ZFPM2: variants seen among roughly 807,000 people sequenced by gnomAD.
ZFPM2 encodes zinc finger protein, FOG family member 2.
In ZFPM2, 20 loss-of-function variants were observed where a neutral mutation model predicts 98.6. That is an observed-to-expected ratio of 0.20 (90% confidence interval 0.14 to 0.29). The LOEUF (loss-of-function observed/expected upper bound fraction) is 0.29. Among genes scored for constraint, ZFPM2 ranks in the 10% least tolerant of loss-of-function variants. ZFPM2 has a pLI of 1.00. For synonymous variants in ZFPM2, 518 were observed against 502.7 expected, an observed-to-expected ratio of 1.03 and a Z score of -0.41; for missense variants, 1,310 against 1,388.6, an observed-to-expected ratio of 0.94 and a Z score of 0.90.
intron 4 of ZFPM2, among the ~76,000 whole-genome samples, chr8:105,633,144 A>G (rs1274943196): frequency 6.6e-6 from 1 of 152,178 alleles, no homozygotes; most frequent in Non-Finnish European, 1.5e-5. Context: ...AAATCACCAG[A>G]TTATGTGGAA....
chr8:105,669,445 G>A (rs531466531), intron 5 of ZFPM2, among the ~76,000 whole-genome samples: 19 of 149,866 alleles, frequency 1.3e-4, no homozygotes, highest in East Asian at 5.9e-4. Context: ...ATATACACAC[G>A]CATATAATGA....
chr8:105,634,016 GAAA>G (rs34543965), intron 4 of ZFPM2, among the ~76,000 whole-genome samples: 4 of 147,008 alleles, frequency 2.7e-5, no homozygotes, highest in Non-Finnish European at 4.5e-5. Context: ...TATCATTTAG[GAAA>G]AAAAAAAAAT....
intron 5 of ZFPM2, among the ~76,000 whole-genome samples, chr8:105,733,966 C>A (rs1314304142): frequency 6.6e-6 from 1 of 151,880 alleles, no homozygotes; most frequent in Non-Finnish European, 1.5e-5. Flanking sequence ...CACAGGACAC[C>A]TGGAAGAGGG....
chr8:105,750,108 T>C (rs757503009), intron 5 of ZFPM2, among the ~76,000 whole-genome samples: 5 of 152,104 alleles, frequency 3.3e-5, no homozygotes, highest in Non-Finnish European at 7.4e-5. Context: ...AGACTTTATA[T>C]GTTACTTTGT....
At chr8:105,561,276 A>T in intron 3 of ZFPM2, 87 bp from the exon 4 acceptor site, 1 of 943,174 alleles carries the variant, frequency 1.1e-6, no homozygotes, top group Non-Finnish European at 1.7e-6. Context: ...TGAGAATATC[A>T]TGTGTGTAAA....
At chr8:105,724,680 A>G (rs1249815440) in intron 5 of ZFPM2, among the ~76,000 whole-genome samples, 1 of 151,876 alleles carries the variant, frequency 6.6e-6, no homozygotes, top group Admixed American at 6.6e-5. Context: ...CTGCGTCTTT[A>G]CATTTGTTTA....
chr8:105,510,348 G>A (rs1014271728), intron 3 of ZFPM2, among the ~76,000 whole-genome samples: 3 of 150,928 alleles, frequency 2.0e-5, no homozygotes, highest in African/African-American at 7.3e-5. Flanking sequence ...CACTACTTGC[G>A]ACTATGTTCG....
intron 5 of ZFPM2, among the ~76,000 whole-genome samples, chr8:105,668,727 T>C (rs1817532056): frequency 6.6e-6 from 1 of 152,224 alleles, no homozygotes; most frequent in Non-Finnish European, 1.5e-5. Flanking sequence ...AGATGCTTAA[T>C]ACTCAGCAAG....
In ZFPM2 at chr8:105,803,200, G is replaced by A; in HGVS notation, c.3118G>A (p.Gly1040Arg). 1 of 1,613,734 alleles carries A rather than the reference G, an allele frequency of 6.2e-7. No homozygotes were observed. Among genetic ancestry groups the A allele is most frequent in the Non-Finnish European group, 8.5e-7 (1 of 1,179,750 alleles). Reference sequence around the variant, plus strand: ...TCTGCCATTGTTGCCCAAAAATCGAGGAATGGTAATAGTGAATGGTGGACT... The same window carrying A: ...TCTGCCATTGTTGCCCAAAAATCGAAGAATGGTAATAGTGAATGGTGGACT... ...DSLPLLPKNR[G>R]MVIVNGGLKQ... Residue 1040 changes from glycine to arginine, a missense_variant, in exon 8 of 8, where the codon GGA (glycine) becomes AGA (arginine). Gly to Arg is a moderately radical substitution (Grantham distance 125). Coordinates refer to ENST00000407775, the MANE Select transcript of ZFPM2 (RefSeq NM_012082.4).
At chr8:105,499,080 C>A (rs1813534782) in intron 3 of ZFPM2, among the ~76,000 whole-genome samples, 2 of 152,122 alleles carry the variant, frequency 1.3e-5, no homozygotes, top group Non-Finnish European at 2.9e-5. Context: ...TTTGCCTCAG[C>A]CTCTTGTCCC....
rs544621730 is a variant in ZFPM2 at position 105,665,523 on chromosome 8, T to C, written c.532+31166T>C. ...TTTCAGGGAGGAATCTATGAAATGA[T>C]TGCATTCTCTGTTCAGGAATGGTTT... On this transcript the variant is annotated intron_variant, in intron 5 of 7. Coordinates refer to ENST00000407775, the MANE Select transcript of ZFPM2 (RefSeq NM_012082.4). Among the ~76,000 whole-genome samples, 206 of 152,332 alleles carry C rather than the reference T, an allele frequency of 1.4e-3. 8 individuals carry two copies. In the South Asian group the frequency reaches 0.042, roughly 31 times the overall value.
At chr8:105,706,642 T>C (rs1312662523) in intron 5 of ZFPM2, among the ~76,000 whole-genome samples, 2 of 152,104 alleles carry the variant, frequency 1.3e-5, no homozygotes, top group African/African-American at 4.8e-5. Flanking sequence ...TACAGTGGCA[T>C]GATCTCAGCT....
intron 3 of ZFPM2, among the ~76,000 whole-genome samples, chr8:105,522,767 T>C (rs1472086991): frequency 6.6e-6 from 1 of 151,736 alleles, no homozygotes; most frequent in Non-Finnish European, 1.5e-5. Context: ...AAAAAGAATA[T>C]ATATTTTTGT....
At chr8:105,464,988 T>A (rs1812772415) in intron 3 of ZFPM2, among the ~76,000 whole-genome samples, 1 of 150,954 alleles carries the variant, frequency 6.6e-6, no homozygotes, top group East Asian at 1.9e-4. Context: ...TTTTGGAGGG[T>A]ATAGAAAAGA....
At chr8:105,789,050 T>C in intron 6 of ZFPM2, 126 bp downstream of exon 6, 1 of 754,768 alleles carries the variant, frequency 1.3e-6, no homozygotes, top group Non-Finnish European at 2.0e-6. Flanking sequence ...CATTTTATCT[T>C]TTTTCTTTTT....
chr8:105,587,470 T>G (rs1179412340), intron 4 of ZFPM2, among the ~76,000 whole-genome samples: 1 of 152,146 alleles, frequency 6.6e-6, no homozygotes, highest in Non-Finnish European at 1.5e-5. Flanking sequence ...ATCAGTATAG[T>G]CAAAATGCTT....
intron 5 of ZFPM2, among the ~76,000 whole-genome samples, chr8:105,769,900 T>C (rs2131088709): frequency 6.6e-6 from 1 of 152,144 alleles, no homozygotes; most frequent in East Asian, 1.9e-4. Flanking sequence ...TACCATAACC[T>C]CAGCAAGACG....
chr8:105,524,463 T>G (rs1814129456), intron 3 of ZFPM2, among the ~76,000 whole-genome samples: 1 of 151,692 alleles, frequency 6.6e-6, no homozygotes, highest in Non-Finnish European at 1.5e-5. Flanking sequence ...GGTGTGTGTG[T>G]GTGTGTATGT....
intron 1 of ZFPM2, among the ~76,000 whole-genome samples, chr8:105,405,493 T>A (rs569301939): frequency 6.9e-6 from 1 of 145,672 alleles, no homozygotes; most frequent in South Asian, 2.4e-4. Flanking sequence ...TGTGGTCTCA[T>A]TGTTCAATTC....
Sources: gnomAD v4.1 joint callset for allele counts (sites outside exome capture counted in the v4.1 genomes callset) on GRCh38, gnomAD v4.1.1 for gene constraint, MANE v1.5 for transcripts, NCBI Gene and HGNC (gene_info 2026-07-23, HGNC 2026-07-21) for gene names.